PHF14: variants seen among roughly 807,000 people sequenced by gnomAD.
PHF14 encodes PHD finger protein 14.
In PHF14, 55 loss-of-function variants were observed where a neutral mutation model predicts 117.9. The observed-to-expected ratio is 0.47, with a 90% CI of 0.38 to 0.58. The LOEUF is 0.58. Among genes scored for constraint, PHF14 ranks in the 20% least tolerant of loss-of-function variants. The pLI, the probability that PHF14 is intolerant of heterozygous loss-of-function variation, is 0.00. For synonymous variants in PHF14, 409 were observed against 368.6 expected (o/e 1.11, Z -1.26); for missense variants, 978 against 1,122.2 (o/e 0.87, Z 1.84).
At chr7:10,977,173 T>C (rs190666381) in intron 2 of PHF14, among the ~76,000 whole-genome samples, 12 of 152,164 alleles carry the variant, frequency 7.9e-5, no homozygotes, top group Admixed American at 6.5e-4. Flanking sequence ...ATCACTGGTT[T>C]CCAAACATGT....
chr7:10,997,913 C>T (rs1013630680), intron 4 of PHF14, among the ~76,000 whole-genome samples: 1 of 152,070 alleles, frequency 6.6e-6, no homozygotes, highest in Non-Finnish European at 1.5e-5. Flanking sequence ...ACAAGCCAAC[C>T]CTAGTCAGAT....
intron 7 of PHF14, among the ~76,000 whole-genome samples, chr7:11,034,779 C>T (rs578214722): frequency 6.6e-6 from 1 of 151,694 alleles, no homozygotes; most frequent in African/African-American, 2.4e-5. Context: ...GAACTCCCAA[C>T]CTCAAGTGAT....
intron 16 of PHF14, among the ~76,000 whole-genome samples, chr7:11,096,973 C>CTTTT (rs899756252): frequency 1.7e-3 from 183 of 108,576 alleles, no homozygotes; most frequent in African/African-American, 2.8e-3. Context: ...TAGACTAGAA[C>CTTTT]TTTTTTTTTT....
chr7:11,151,727 G>A (rs1270372877), intron 17 of PHF14, among the ~76,000 whole-genome samples: 2 of 152,070 alleles, frequency 1.3e-5, no homozygotes, highest in African/African-American at 4.8e-5. Context: ...CCCTAGCTCT[G>A]TAGAGGCTTG....
At chr7:11,090,087 A>G (rs1006202008) in intron 16 of PHF14, among the ~76,000 whole-genome samples, 6 of 152,160 alleles carry the variant, frequency 3.9e-5, no homozygotes, top group Admixed American at 1.3e-4. Flanking sequence ...TGCCTTCTTT[A>G]TGTGTGTACG....
rs146120331 is a variant in PHF14, at chr7:11,065,306, A to G, written c.2654+3221A>G. Among the ~76,000 whole-genome samples the G allele has an allele frequency of 1.3e-3, 198 of 152,230 alleles. 3 individuals carry two copies. The highest frequency in any genetic ancestry group is 0.012 in the Admixed American group (178 of 15,292). On this transcript the variant is annotated intron_variant, in intron 16 of 17. Transcript: ENST00000634607. Reference sequence around the variant, plus strand: ...TTGAAACTATTTCATGGAATTGGGAAGTCTTAAAGGCTTTGTCTGTGATAG... The same window carrying G: ...TTGAAACTATTTCATGGAATTGGGAGGTCTTAAAGGCTTTGTCTGTGATAG...
intron 17 of PHF14, among the ~76,000 whole-genome samples, chr7:11,136,995 A>G (rs1047961356): frequency 6.6e-6 from 1 of 152,250 alleles, no homozygotes; most frequent in Non-Finnish European, 1.5e-5. Flanking sequence ...GGACCTTAAT[A>G]TATAAGACAT....
intron 16 of PHF14, among the ~76,000 whole-genome samples, chr7:11,080,293 T>C (rs545030294): frequency 9.2e-5 from 14 of 152,292 alleles, no homozygotes; most frequent in African/African-American, 2.9e-4. Context: ...TGATAACTTA[T>C]ATTACACGTG....
At chr7:11,132,577 G>T (rs1236838014) in intron 17 of PHF14, among the ~76,000 whole-genome samples, 1 of 151,720 alleles carries the variant, frequency 6.6e-6, no homozygotes, top group Non-Finnish European at 1.5e-5. Flanking sequence ...ATCTTTATGA[G>T]GTGGTGATTT....
At chr7:11,029,592 T>A (rs1784050995) in intron 7 of PHF14, among the ~76,000 whole-genome samples, 1 of 152,170 alleles carries the variant, frequency 6.6e-6, no homozygotes, top group Non-Finnish European at 1.5e-5. Flanking sequence ...AGTAAAAGTG[T>A]ATACTTCGGT....
At chr7:11,122,679 T>G (rs1787811818) in intron 17 of PHF14, among the ~76,000 whole-genome samples, 1 of 152,090 alleles carries the variant, frequency 6.6e-6, no homozygotes, top group African/African-American at 2.4e-5. Flanking sequence ...GAATATCAGA[T>G]ATGCTGTTGT....
At chr7:11,020,119 G>C (rs1388693443) in intron 5 of PHF14, among the ~76,000 whole-genome samples, 1 of 151,816 alleles carries the variant, frequency 6.6e-6, no homozygotes, top group Non-Finnish European at 1.5e-5. Flanking sequence ...GACGGGGCCT[G>C]GCTCTGTTCC....
chr7:11,145,870 T>G lies in PHF14; in HGVS notation c.2773-23546T>G, dbSNP rs139289572. Among the ~76,000 whole-genome samples the G allele has an allele frequency of 7.1e-3, 1,087 of 152,238 alleles. 8 individuals carry two copies. The highest frequency in any genetic ancestry group is 0.012 in the Non-Finnish European group (849 of 67,940). ...ATACGTTATACATTACCATATGTTA[T>G]ACTTGTTGGATTAGCATCAGCAAGT... On this transcript the variant is annotated intron_variant, in intron 17 of 17. Coordinates refer to ENST00000634607, the MANE Select transcript of PHF14 (RefSeq NM_001007157.2).
At chr7:11,003,101 C>G (rs1205063942) in intron 4 of PHF14, among the ~76,000 whole-genome samples, 1 of 152,144 alleles carries the variant, frequency 6.6e-6, no homozygotes. Flanking sequence ...CCACCACACC[C>G]AGCTAATTTC....
rs529884298 is a variant in PHF14, at chr7:11,026,077, A to C, written c.1318-2604A>C. On this transcript the variant is annotated intron_variant, in intron 6 of 17. Transcript: ENST00000634607. ...CAGTGAGCCGAGATTGCACCACTGC[A>C]CTCCAGCCTGGGTGACAGTGTGAGA... is the stretch of plus-strand genomic sequence containing the variant. Among the ~76,000 whole-genome samples, 115 of 147,614 alleles carry C rather than the reference A, an allele frequency of 7.8e-4. No individual in the cohort carries two copies. In the South Asian group the frequency reaches 0.024, roughly 31 times the overall value.
At chr7:11,015,821 ATTTTTTT>A (rs200930490) in intron 5 of PHF14, among the ~76,000 whole-genome samples, 1 of 131,280 alleles carries the variant, frequency 7.6e-6, no homozygotes, top group East Asian at 2.2e-4. Context: ...TCATGCATAG[ATTTTTTT>A]TTTTTTTTTT....
At chr7:11,078,484 T>A (rs571530324) in intron 16 of PHF14, among the ~76,000 whole-genome samples, 1 of 152,274 alleles carries the variant, frequency 6.6e-6, no homozygotes, top group South Asian at 2.1e-4. Flanking sequence ...TGCGAGCCAG[T>A]TTTCTCATTC....
chr7:11,072,123 G>A (rs1785632899), intron 16 of PHF14, among the ~76,000 whole-genome samples: 2 of 152,180 alleles, frequency 1.3e-5, no homozygotes, highest in Admixed American at 1.3e-4. Context: ...GGCTCTGCAG[G>A]CTGTAAGGGA....
At chr7:11,021,100 T>C (rs1209431961) in intron 5 of PHF14, among the ~76,000 whole-genome samples, 3 of 152,250 alleles carry the variant, frequency 2.0e-5, no homozygotes, top group Admixed American at 1.3e-4. Flanking sequence ...AATGAGTCTT[T>C]TGAGAAGTAT....
Sources: gnomAD v4.1 joint callset for allele counts (sites outside exome capture counted in the v4.1 genomes callset) on GRCh38, gnomAD v4.1.1 for gene constraint, MANE v1.5 for transcripts, NCBI Gene and HGNC (gene_info 2026-07-23, HGNC 2026-07-21) for gene names.